The following GABRP variants were observed in gnomAD, a reference collection of about 807,000 sequenced individuals.
The protein encoded by GABRP is gamma-aminobutyric acid type A receptor subunit pi.
GABRP carries 52 observed loss-of-function variants against 47.8 expected under a neutral mutation model. The ratio of observed to expected loss-of-function variants is 1.09; its 90% CI spans 0.87 to 1.37. GABRP has a LOEUF of 1.37. GABRP is among the 40% of genes most tolerant of loss of function. GABRP has a pLI of 0.00. For synonymous variants in GABRP, 221 were observed against 205.8 expected (o/e 1.07, Z -0.63); for missense variants, 525 against 542.8 (o/e 0.97, Z 0.33).
chr5:170,787,581 C>T (rs1013264803), intron 1 of GABRP, among the ~76,000 whole-genome samples: 2 of 152,104 alleles, frequency 1.3e-5, no homozygotes, highest in African/African-American at 4.8e-5. Context: ...CAACTAAGGC[C>T]CAGGCCCCAG....
chr5:170,806,481 C>T (rs1402861456), intron 7 of GABRP, among the ~76,000 whole-genome samples: 1 of 152,174 alleles, frequency 6.6e-6, no homozygotes, highest in African/African-American at 2.4e-5. Flanking sequence ...CAAAGTCTTT[C>T]GCACAGGCTG....
chr5:170,784,059 A>G (rs956810468), intron 1 of GABRP, among the ~76,000 whole-genome samples, 185 bp downstream of exon 1: 2 of 152,198 alleles, frequency 1.3e-5, no homozygotes, highest in African/African-American at 4.8e-5. Flanking sequence ...TGTCCTCACT[A>G]CAGCCACAGT....
At position 170,809,762 on chromosome 5, in the gene GABRP, G is replaced by A; in HGVS notation, c.1020+7G>A. 1.3e-6 allele frequency: 2 copies of A among 1,580,806 alleles called. No individual in the cohort carries two copies. The highest frequency in any genetic ancestry group is 1.7e-6 in the Non-Finnish European group (2 of 1,163,948). ...GATGGCAGCCAAAGATAGGGTAAGA[G>A]TCTTGAGGGCCCTGTGTATGATCCA... On this transcript the variant is annotated splice_region_variant and intron_variant, in intron 9 of 9. Coordinates refer to ENST00000265294, the MANE Select transcript of GABRP (RefSeq NM_014211.3).
At chr5:170,800,104 A>T (rs1039865024) in intron 6 of GABRP, among the ~76,000 whole-genome samples, 2 of 152,220 alleles carry the variant, frequency 1.3e-5, no homozygotes, top group Admixed American at 1.3e-4. Flanking sequence ...CTACAAGGCT[A>T]CAGTAACCAA....
chr5:170,808,846 C>A, intron 8 of GABRP, 94 bp downstream of exon 8: 2 of 1,060,672 alleles, frequency 1.9e-6, no homozygotes, highest in Non-Finnish European at 2.7e-6. Context: ...ATTCCTAAGG[C>A]AGTTCCAAGA....
chr5:170,793,051 G>T (rs537267374), intron 3 of GABRP, among the ~76,000 whole-genome samples: 31 of 152,242 alleles, frequency 2.0e-4, no homozygotes, highest in African/African-American at 5.1e-4. Context: ...TGGACATGAC[G>T]CTGGGAGCTT....
intron 3 of GABRP, among the ~76,000 whole-genome samples, chr5:170,790,624 G>A (rs1332066299): frequency 6.6e-6 from 1 of 152,082 alleles, no homozygotes; most frequent in Non-Finnish European, 1.5e-5. Flanking sequence ...CTGGCCTCAG[G>A]GAAGGAGAGA....
chr5:170,784,162 A>G (rs1369376270), intron 1 of GABRP, among the ~76,000 whole-genome samples: 1 of 152,224 alleles, frequency 6.6e-6, no homozygotes, highest in South Asian at 2.1e-4. Context: ...AGCGGGACCC[A>G]TGGCAATAAT....
At chr5:170,784,722 T>C (rs1471479327) in intron 1 of GABRP, among the ~76,000 whole-genome samples, 17 of 152,218 alleles carry the variant, frequency 1.1e-4, no homozygotes, top group Admixed American at 1.0e-3. Flanking sequence ...TGAAAACTAA[T>C]GTTTATTGAA....
In GABRP at chr5:170,797,481, T is replaced by A; in HGVS notation, c.474T>A (p.Val158=). 6.2e-7 allele frequency: 1 copy of A among 1,610,834 alleles called. No individual in the cohort carries two copies. Among genetic ancestry groups the A allele is most frequent in the Non-Finnish European group, 8.5e-7 (1 of 1,177,036 alleles). ...TCCCTCTTAGAATCACGACAACTGT[T>A]GCATGTAACATGGATCTGTCTAAAT... ...VLYALRITTT[V]ACNMDLSKYP... Residue 158 remains valine, a synonymous_variant, in exon 6 of 10, where the codon GTT becomes GTA. Transcript: ENST00000265294.
In GABRP at chr5:170,812,196, C is replaced by T. The variant is rs1581611518; in HGVS notation, c.1261C>T (p.Leu421=). 4.3e-6 allele frequency: 7 copies of T among 1,613,956 alleles called. No homozygotes were observed. In the East Asian group the frequency reaches 1.6e-4, roughly 36 times the overall value. ...TAATGTTGATCACTATTCCAAACTACTGTTTCCTTTGATTTTTATGCTAGC... is the reference window on the plus strand; with the variant it reads ...TAATGTTGATCACTATTCCAAACTATTGTTTCCTTTGATTTTTATGCTAGC... ...PSNVDHYSKL[L]FPLIFMLANV... is the part of the protein sequence containing the mutation. The change falls in exon 10 of 10, where the codon CTG becomes TTG. Residue 421 remains leucine, a synonymous_variant. Transcript: ENST00000265294.
At chr5:170,790,993 C>G (rs950627904) in intron 3 of GABRP, among the ~76,000 whole-genome samples, 3 of 152,208 alleles carry the variant, frequency 2.0e-5, no homozygotes, top group African/African-American at 7.2e-5. Flanking sequence ...GCTCCAATAT[C>G]CCCTGGTTTT....
chr5:170,797,143 G>A lies in GABRP; in HGVS notation c.459-323G>A, dbSNP rs115769361. On this transcript the variant is annotated intron_variant, in intron 5 of 9. Coordinates refer to ENST00000265294, the MANE Select transcript of GABRP (RefSeq NM_014211.3). ...TGAACACTGTTCTAGGCCCACCCAG[G>A]TCTGTCAGGAAGATAAAATTTAAAA... is the stretch of plus-strand genomic sequence containing the variant. Among the ~76,000 whole-genome samples the A allele has an allele frequency of 9.5e-3, 1,441 of 152,330 alleles. 28 individuals are homozygous for A. The highest frequency in any genetic ancestry group is 0.031 in the African/African-American group (1,304 of 41,562).
Position 170,812,601 on chromosome 5 carries a change from G to T in GABRP, c.*343G>T, listed in dbSNP as rs777576192. The T allele has an allele frequency of 1.4e-5, 3 of 209,846 alleles. No individual in the cohort carries two copies. Among genetic ancestry groups the T allele is most frequent in the African/African-American group, 6.9e-5 (3 of 43,766 alleles). 13.0% of individuals were successfully genotyped at this position (209,846 alleles called of 1,614,324 possible). ...TATAAAGAATGGGAAGGAGACCATT[G>T]GGTAACCCTCAAGTGTCAGAAGTTG... On this transcript the variant is annotated 3_prime_UTR_variant, in exon 10 of 10. Transcript: ENST00000265294.
Position 170,812,304 on chromosome 5 carries a change from GATA to G in GABRP, c.*49_*51del, listed in dbSNP as rs755656395. The G allele has an allele frequency of 6.1e-6, 9 of 1,471,414 alleles. No individual in the cohort carries two copies. Among genetic ancestry groups the G allele is most frequent in the Non-Finnish European group, 8.4e-6 (9 of 1,067,434 alleles). 91.1% of individuals were successfully genotyped at this position (1,471,414 alleles called of 1,614,324 possible). A position where few individuals can be genotyped will look rare whatever the true frequency, so the allele number is the denominator to read the frequency against. ...ATGCCATAGGTCTTCAACAGGACAA[GATA>G]ATGATGTAAATGGTATTTTAGGCCA... is the stretch of plus-strand genomic sequence containing the variant. On this transcript the variant is annotated 3_prime_UTR_variant, in exon 10 of 10. Coordinates refer to ENST00000265294, the MANE Select transcript of GABRP (RefSeq NM_014211.3).
chr5:170,788,764 A>G (rs1049625251), intron 2 of GABRP, 96 bp downstream of exon 2: 6 of 1,179,928 alleles, frequency 5.1e-6, no homozygotes, highest in Non-Finnish European at 7.6e-6. Flanking sequence ...ACCCACAGCA[A>G]GGCAAAACCC....
chr5:170,798,142 C>T (rs1372402783), intron 6 of GABRP, among the ~76,000 whole-genome samples: 3 of 152,176 alleles, frequency 2.0e-5, no homozygotes, highest in African/African-American at 4.8e-5. Flanking sequence ...CCCAGGTTCA[C>T]GCCATTCTCC....
At chr5:170,794,888 C>A (rs1006784744) in intron 4 of GABRP, among the ~76,000 whole-genome samples, 1 of 151,546 alleles carries the variant, frequency 6.6e-6, no homozygotes, top group African/African-American at 2.4e-5. Context: ...AGCTGTCACA[C>A]CAAGTAAGTT....
intron 9 of GABRP, chr5:170,810,148 A>G (rs558091012): frequency 2.1e-6 from 1 of 469,912 alleles, no homozygotes; most frequent in East Asian, 3.2e-5. Flanking sequence ...AAATTATACA[A>G]GTAATGCTTT....
Sources: gnomAD v4.1 joint callset for allele counts (sites outside exome capture counted in the v4.1 genomes callset) on GRCh38, gnomAD v4.1.1 for gene constraint, MANE v1.5 for transcripts, NCBI Gene and HGNC (gene_info 2026-07-23, HGNC 2026-07-21) for gene names.